The following KCNH3 variants were observed in gnomAD, a reference collection of about 807,000 sequenced individuals.
KCNH3 encodes potassium voltage-gated channel subfamily H member 3.
In KCNH3, 36 loss-of-function variants were observed where a neutral mutation model predicts 95.6. That is an observed-to-expected ratio of 0.38 (90% CI 0.29 to 0.50). The LOEUF (loss-of-function observed/expected upper bound fraction) is 0.50. Among genes scored for constraint, KCNH3 ranks in the 20% least tolerant of loss-of-function variants. KCNH3 has a pLI of 0.95. For synonymous variants in KCNH3, 620 were observed against 646.3 expected (o/e 0.96, Z 0.62); for missense variants, 1,030 against 1,484.1 (o/e 0.69, Z 5.03).
In KCNH3 at chr12:49,544,291, G is replaced by A; in HGVS notation, c.1098G>A (p.Val366=). The change falls in exon 7 of 15, where the codon GTG becomes GTA. Residue 366 remains valine (V), a synonymous_variant. Transcript: ENST00000257981. ...TGGTGCTGACACTGCTCATGGCCGT[G>A]TTCGCCCTGCTCGCGCACTGGGTCG... ...SAVVLTLLMA[V]FALLAHWVAC... The A allele has an allele frequency of 6.2e-7, 1 of 1,612,326 alleles. No homozygotes were observed. Among genetic ancestry groups the A allele is most frequent in the Non-Finnish European group, 8.5e-7 (1 of 1,179,790 alleles).
chr12:49,558,023 GGCAGGGTGGCA>G lies in KCNH3; in HGVS notation c.*73_*83del. On this transcript the variant is annotated 3_prime_UTR_variant, in exon 15 of 15. Transcript: ENST00000257981. ...CTGTTCGGCCCAACCTCAGAGTGAA[GGCAGGGTGGCA>G]GCCTCCCCACGGACTCCATGCGGCC... The G allele has an allele frequency of 2.1e-6, 3 of 1,410,332 alleles. No individual in the cohort carries two copies. Among genetic ancestry groups the G allele is most frequent in the Non-Finnish European group, 2.8e-6 (3 of 1,076,686 alleles). The allele number at this position is 1,410,332 out of a possible 1,614,324, so 87.4% of individuals were successfully genotyped here. A position where few individuals can be genotyped will look rare whatever the true frequency, so the allele number is the denominator to read the frequency against.
chr12:49,543,915 A>C lies in KCNH3; in HGVS notation c.824A>C (p.Asp275Ala). The change falls in exon 6 of 15, where the codon GAC (aspartate) becomes GCC (alanine). Residue 275 changes from aspartate to alanine, a missense_variant and splice_region_variant. By Grantham distance (126) the Asp-to-Ala change is moderately radical (BLOSUM62 -2). Transcript: ENST00000257981. Reference sequence around the variant, plus strand: ...TGACTCCCACCCGGATTCCCCACAGACATTGTGCTGAATTTCCGTACCACA... The same window carrying C: ...TGACTCCCACCCGGATTCCCCACAGCCATTGTGCTGAATTTCCGTACCACA... ...DLAVEVLFIL[D>A]IVLNFRTTFV... 1 of 1,606,866 alleles carries C rather than the reference A, an allele frequency of 6.2e-7. No individual in the cohort carries two copies. Among genetic ancestry groups the C allele is most frequent in the Non-Finnish European group, 8.5e-7 (1 of 1,174,058 alleles).
At chr12:49,544,429 A>C in intron 7 of KCNH3, 47 bp downstream of exon 7, 1 of 1,586,364 alleles carries the variant, frequency 6.3e-7, no homozygotes, top group African/African-American at 1.3e-5. Flanking sequence ...GTTGTGTCAG[A>C]GGAGTGTGAG....
At position 49,539,368 on chromosome 12, in the gene KCNH3, G is replaced by A. The variant is rs1937788708; in HGVS notation, c.-49G>A. ...GAGCTGGGCGCCCTCCCCCGGCGCG[G>A]AGTCCCCGCACCCCGGAGGGATGGG... On this transcript the variant is annotated 5_prime_UTR_variant, in exon 1 of 15. Coordinates refer to ENST00000257981, the MANE Select transcript of KCNH3 (RefSeq NM_012284.3). This position sits in a 1 kb window ranked among gnomAD's most constrained non-coding sequence, Gnocchi z 6.7. 7 of 1,289,666 alleles carry A rather than the reference G, an allele frequency of 5.4e-6. No homozygotes were observed. The highest frequency in any genetic ancestry group is 6.0e-6 in the Non-Finnish European group (6 of 998,680). The allele number at this position is 1,289,666 out of a possible 1,614,324, so 79.9% of individuals were successfully genotyped here.
intron 9 of KCNH3, 39 bp from the exon 10 acceptor site, chr12:49,550,041 A>T: frequency 2.0e-6 from 3 of 1,492,150 alleles, no homozygotes; most frequent in Non-Finnish European, 1.8e-6. Context: ...CTCTTCTGCC[A>T]CTCCCAACCC....
Position 49,539,937 on chromosome 12 carries a change from G to A in KCNH3, c.76+445G>A, listed in dbSNP as rs887734923. Among the ~76,000 whole-genome samples, 3 of 152,258 alleles carry A rather than the reference G, an allele frequency of 2.0e-5. No homozygotes were observed. The highest frequency in any genetic ancestry group is 4.8e-5 in the African/African-American group (2 of 41,540). On this transcript the variant is annotated intron_variant, in intron 1 of 14. Coordinates refer to ENST00000257981, the MANE Select transcript of KCNH3 (RefSeq NM_012284.3). This position sits in a 1 kb window ranked among gnomAD's most constrained non-coding sequence, Gnocchi z 6.7. The stretch of plus-strand genomic sequence containing the variant: ...TTTGCAAACGGAGATAAGAGTAGGC[G>A]GCACTCGGGAGAGCACCGTGTGTCC...
chr12:49,549,567 A>G lies in KCNH3; in HGVS notation c.1595A>G (p.Lys532Arg). 1 of 1,613,406 alleles carries G rather than the reference A, an allele frequency of 6.2e-7. No individual in the cohort carries two copies. Among genetic ancestry groups the G allele is most frequent in the Non-Finnish European group, 8.5e-7 (1 of 1,180,038 alleles). Residue 532 changes from lysine to arginine, a missense_variant, in exon 9 of 15, where the codon AAG becomes AGG. Physicochemically the swap from Lys to Arg is conservative, Grantham distance 26. Coordinates refer to ENST00000257981, the MANE Select transcript of KCNH3 (RefSeq NM_012284.3). ...TACATCCGCATCCACCGTATCCCCA[A>G]GCCCCTCAAGCAGCGCATGCTGGAG... is the stretch of plus-strand genomic sequence containing the variant. ...RDYIRIHRIP[K>R]PLKQRMLEYF...
chr12:49,544,395 C>G lies in KCNH3; in HGVS notation c.1189+13C>G, dbSNP rs1451935448. 1 of 1,611,282 alleles carries G rather than the reference C, an allele frequency of 6.2e-7. No homozygotes were observed. The highest frequency in any genetic ancestry group is 8.5e-7 in the Non-Finnish European group (1 of 1,179,566). The stretch of plus-strand genomic sequence containing the variant: ...CTGCCTGAGATTGGTACTGGAGGCT[C>G]CCTCTGCATGTGGTGGGGAGGGAGT... On this transcript the variant is annotated intron_variant, in intron 7 of 14. Transcript: ENST00000257981.
At chr12:49,552,925 G>A (rs1435143490) in intron 10 of KCNH3, among the ~76,000 whole-genome samples, 1 of 152,168 alleles carries the variant, frequency 6.6e-6, no homozygotes, top group Admixed American at 6.5e-5. Flanking sequence ...CTTAAGTTGG[G>A]GTGCATTCTA....
rs760053383 is a variant in KCNH3, at chr12:49,557,654, T to C, written c.2953T>C (p.Ser985Pro). 1 of 1,612,898 alleles carries C rather than the reference T, an allele frequency of 6.2e-7. No individual in the cohort carries two copies. Among genetic ancestry groups the C allele is most frequent in the Non-Finnish European group, 8.5e-7 (1 of 1,179,688 alleles). ...WPWGPPASQS[S>P]PWPRATAFWT... ...CTGGGGTCCCCCAGCGTCTCAGAGC[T>C]CCCCCTGGCCTCGAGCCACAGCTTT... The change falls in exon 15 of 15, where the codon TCC (serine) becomes CCC (proline). Residue 985 changes from serine (S) to proline (P), a missense_variant. Ser to Pro is a moderately conservative substitution (Grantham distance 74). Coordinates refer to ENST00000257981, the MANE Select transcript of KCNH3 (RefSeq NM_012284.3).
At position 49,556,749 on chromosome 12, in the gene KCNH3, G is replaced by A. The variant is rs796769713; in HGVS notation, c.2575+273G>A. On this transcript the variant is annotated intron_variant, in intron 13 of 14. Transcript: ENST00000257981. ...TTGGCTTCTCTGGCCCCAGCTTCCT[G>A]TCTGTAAAAAAATGGGTTGATGTTT... 1.0e-5 allele frequency: 7 copies of A among 679,830 alleles called. No homozygotes were observed. The African/African-American group carries it at 1.2e-4, about 12-fold the overall frequency. 42.1% of individuals were successfully genotyped at this position (679,830 alleles called of 1,614,324 possible).
chr12:49,542,571 C>T (rs1937906511), intron 3 of KCNH3, 135 bp from the exon 4 acceptor site: 2 of 1,065,188 alleles, frequency 1.9e-6, no homozygotes, highest in Non-Finnish European at 2.6e-6. Context: ...ATACCTGAGC[C>T]CCCAACTCTA....
intron 2 of KCNH3, 61 bp downstream of exon 2, chr12:49,541,193 C>A: frequency 8.2e-7 from 1 of 1,224,478 alleles, no homozygotes; most frequent in Non-Finnish European, 1.2e-6. Context: ...TGGCACCAGC[C>A]CCATCCACTG....
Position 49,548,875 on chromosome 12 carries a change from C to T in KCNH3, c.1190-20C>T. On this transcript the variant is annotated intron_variant, in intron 7 of 14. Coordinates refer to ENST00000257981, the MANE Select transcript of KCNH3 (RefSeq NM_012284.3). Reference sequence around the variant, plus strand: ...CCCACAGTCTTCCTGCCTGCTCAGGCCCTGCTGTTCCCCCCTCAGGCTGGC... The same window carrying T: ...CCCACAGTCTTCCTGCCTGCTCAGGTCCTGCTGTTCCCCCCTCAGGCTGGC... 6.5e-7 allele frequency: 1 copy of T among 1,543,828 alleles called. No individual in the cohort carries two copies. The highest frequency in any genetic ancestry group is 8.7e-7 in the Non-Finnish European group (1 of 1,144,614).
Position 49,539,593 on chromosome 12 carries a change from T to C in KCNH3, c.76+101T>C. The C allele has an allele frequency of 1.0e-6, 1 of 988,188 alleles. No individual in the cohort carries two copies. 61.2% of individuals were successfully genotyped at this position (988,188 alleles called of 1,614,324 possible). ...GCAGCCCAGCTTGGCGCCAGCCTATTCTCACCCTCTCCTCCCTACCCGCCC... is the reference window on the plus strand; with the variant it reads ...GCAGCCCAGCTTGGCGCCAGCCTATCCTCACCCTCTCCTCCCTACCCGCCC... On this transcript the variant is annotated intron_variant, in intron 1 of 14. Transcript: ENST00000257981. This position sits in a 1 kb window ranked among gnomAD's most constrained non-coding sequence, Gnocchi z 6.7.
At position 49,558,110 on chromosome 12, in the gene KCNH3, C is replaced by G. The variant is rs571082115; in HGVS notation, c.*157C>G. ...AAGCAAAGGAGGACCTGGCTCCTGA[C>G]TCTCAGAGAGGATAGGCTGGATCCC... On this transcript the variant is annotated 3_prime_UTR_variant, in exon 15 of 15. Transcript: ENST00000257981. The G allele has an allele frequency of 7.0e-5, 55 of 784,018 alleles. No individual in the cohort carries two copies. The Middle Eastern group carries it at 1.7e-3, about 24-fold the overall frequency. 48.6% of individuals were successfully genotyped at this position (784,018 alleles called of 1,614,324 possible). A position where few individuals can be genotyped will look rare whatever the true frequency, so the allele number is the denominator to read the frequency against.
chr12:49,543,320 G>A lies in KCNH3; in HGVS notation c.625G>A (p.Ala209Thr), dbSNP rs1489053213. 5.0e-6 allele frequency: 8 copies of A among 1,613,634 alleles called. No individual in the cohort carries two copies. Among genetic ancestry groups the A allele is most frequent in the Admixed American group, 1.7e-5 (1 of 60,006 alleles). ...KPNLPEYKVA[A>T]IRKSPFILLH... is the part of the protein sequence containing the mutation. ...AAACTTGCCTGAGTACAAAGTAGCCGCCATCCGGAAGTCGCCCTTCATCCT... is the reference window on the plus strand; with the variant it reads ...AAACTTGCCTGAGTACAAAGTAGCCACCATCCGGAAGTCGCCCTTCATCCT... Residue 209 changes from alanine to threonine, a missense_variant, in exon 5 of 15, where the codon GCC becomes ACC. By Grantham distance (58) the Ala-to-Thr change is moderately conservative. This residue lies in a region of KCNH3 where 153 missense variants were observed against 288.5 expected (regional missense o/e 0.53). Transcript: ENST00000257981.
rs563655825 is a variant in KCNH3, at chr12:49,541,761, A to T, written c.442A>T (p.Thr148Ser). ...NRGGPDRWKE[T>S]GGGRRRYGRA... Reference sequence around the variant, plus strand: ...AGGGGGCCCCGACAGATGGAAGGAGACAGGTAGGTGCATGTAGGTGCTGTG... The same window carrying T: ...AGGGGGCCCCGACAGATGGAAGGAGTCAGGTAGGTGCATGTAGGTGCTGTG... The change falls in exon 3 of 15, where the codon ACA becomes TCA. Residue 148 changes from threonine to serine, a missense_variant. By Grantham distance (58) the Thr-to-Ser change is moderately conservative. Coordinates refer to ENST00000257981, the MANE Select transcript of KCNH3 (RefSeq NM_012284.3). 7.4e-6 allele frequency: 12 copies of T among 1,614,022 alleles called. No individual in the cohort carries two copies. The South Asian group carries it at 1.3e-4, about 18-fold the overall frequency.
rs372412730 is a variant in KCNH3 at position 49,557,578 on chromosome 12, G to A, written c.2877G>A (p.Gly959=). ...LQPPAGSVLS[G]TWPHPRPGPP... Reference sequence around the variant, plus strand: ...CCCCAGCTGGCTCTGTCTTGAGTGGGACTTGGCCCCACCCTCGTCCGGGGC... The same window carrying A: ...CCCCAGCTGGCTCTGTCTTGAGTGGAACTTGGCCCCACCCTCGTCCGGGGC... The change falls in exon 15 of 15, where the codon GGG becomes GGA. Residue 959 remains glycine, a synonymous_variant. Coordinates refer to ENST00000257981, the MANE Select transcript of KCNH3 (RefSeq NM_012284.3). 21 of 1,612,612 alleles carry A rather than the reference G, an allele frequency of 1.3e-5. No homozygotes were observed. Among genetic ancestry groups the A allele is most frequent in the Non-Finnish European group, 1.6e-5 (19 of 1,179,960 alleles).
Sources: allele counts gnomAD v4.1 joint callset (sites outside exome capture counted in the v4.1 genomes callset), GRCh38; gene constraint gnomAD v4.1.1; regional missense constraint gnomAD v4.1.1; non-coding constraint Gnocchi (gnomAD v3.1); transcripts MANE v1.5; gene names NCBI Gene and HGNC (gene_info 2026-07-23, HGNC 2026-07-21).